The following MACC1 variants were observed in gnomAD, a reference collection of about 807,000 sequenced individuals.
MACC1 encodes the protein metastasis-associated in colon cancer protein 1.
In MACC1, 79 loss-of-function variants were observed where a neutral mutation model predicts 70.7. That is an observed-to-expected ratio of 1.12 (90% CI 0.93 to 1.35). MACC1 has a LOEUF of 1.35. MACC1 is among the 40% of genes most tolerant of loss of function. The probability of loss-of-function intolerance (pLI) is 0.00; values close to 1 mark genes in which losing one functional copy is unlikely to be tolerated. For missense variants in MACC1, 1,106 were observed against 978.1 expected, an observed-to-expected ratio of 1.13 and a Z score of -1.74; for synonymous variants, 361 against 347.2, an observed-to-expected ratio of 1.04 and a Z score of -0.44.
At chr7:20,171,453 A>G (rs1583394879) in intron 1 of MACC1, among the ~76,000 whole-genome samples, 1 of 150,330 alleles carries the variant, frequency 6.7e-6, no homozygotes. Flanking sequence ...ACGGAATTTC[A>G]CCGTGTTAGC....
At chr7:20,195,542 T>G (rs1782737802) in intron 1 of MACC1, among the ~76,000 whole-genome samples, 1 of 152,268 alleles carries the variant, frequency 6.6e-6, no homozygotes, top group Non-Finnish European at 1.5e-5. Context: ...TTCGTATATA[T>G]GACCCATGTT....
chr7:20,208,366 C>A (rs1390053109), intron 1 of MACC1, among the ~76,000 whole-genome samples: 2 of 152,146 alleles, frequency 1.3e-5, no homozygotes, highest in Non-Finnish European at 2.9e-5. Flanking sequence ...TAGAGACTTG[C>A]TGAATGGCTT....
intron 1 of MACC1, among the ~76,000 whole-genome samples, chr7:20,185,434 G>T (rs930335638): frequency 6.6e-6 from 1 of 151,912 alleles, no homozygotes; most frequent in Admixed American, 6.6e-5. Flanking sequence ...CTTGGGATTG[G>T]GTTGGACGCC....
At chr7:20,182,699 T>A (rs942290233) in intron 1 of MACC1, among the ~76,000 whole-genome samples, 2 of 152,118 alleles carry the variant, frequency 1.3e-5, no homozygotes, top group Admixed American at 1.3e-4. Flanking sequence ...GTTTCCCCCA[T>A]AAAACACCCA....
At chr7:20,215,627 C>T (rs1262787094) in intron 1 of MACC1, among the ~76,000 whole-genome samples, 1 of 152,160 alleles carries the variant, frequency 6.6e-6, no homozygotes, top group African/African-American at 2.4e-5. Context: ...TTATCACCTT[C>T]ACTTATCACC....
At chr7:20,171,589 T>G (rs939678939) in intron 1 of MACC1, among the ~76,000 whole-genome samples, 1 of 150,982 alleles carries the variant, frequency 6.6e-6, no homozygotes, top group African/African-American at 2.4e-5. Flanking sequence ...TATATCTGTT[T>G]TTTTTTTTTT....
intron 1 of MACC1, among the ~76,000 whole-genome samples, chr7:20,216,114 C>T (rs957189345): frequency 6.6e-6 from 1 of 152,052 alleles, no homozygotes; most frequent in African/African-American, 2.4e-5. Flanking sequence ...GTTAAGACAA[C>T]TTTAAGAATA....
intron 2 of MACC1, among the ~76,000 whole-genome samples, chr7:20,164,807 A>T (rs1051098538): frequency 1.3e-5 from 2 of 152,230 alleles, no homozygotes; most frequent in Non-Finnish European, 2.9e-5. Context: ...CTAAATTAAA[A>T]TGAGGAACAA....
chr7:20,211,782 C>G (rs1242148239), intron 1 of MACC1, among the ~76,000 whole-genome samples: 1 of 152,180 alleles, frequency 6.6e-6, no homozygotes, highest in Non-Finnish European at 1.5e-5. Flanking sequence ...TAGAGTAATT[C>G]TTTCATTTGG....
intron 1 of MACC1, among the ~76,000 whole-genome samples, chr7:20,204,415 A>G (rs1369545083): frequency 6.6e-6 from 1 of 152,154 alleles, no homozygotes. Flanking sequence ...TGGCCTCCCA[A>G]ACTGCTGGAT....
intron 1 of MACC1, among the ~76,000 whole-genome samples, chr7:20,217,042 G>A (rs542535923): frequency 1.3e-5 from 2 of 152,028 alleles, no homozygotes; most frequent in Admixed American, 6.5e-5. Context: ...ATGTGACCTG[G>A]GTTCCTCCTT....
At chr7:20,209,443 G>A (rs1043123470) in intron 1 of MACC1, among the ~76,000 whole-genome samples, 2 of 152,198 alleles carry the variant, frequency 1.3e-5, no homozygotes, top group Non-Finnish European at 2.9e-5. Flanking sequence ...GAACTTTATG[G>A]GTTAATGACT....
At position 20,165,714 on chromosome 7, in the gene MACC1, T is replaced by A. The variant is rs535599753; in HGVS notation, c.-152-1315A>T. Among the ~76,000 whole-genome samples, 5 of 152,232 alleles carry A rather than the reference T, an allele frequency of 3.3e-5. No homozygotes were observed. In the South Asian group the frequency reaches 1.0e-3, roughly 32 times the overall value. On this transcript the variant is annotated intron_variant, in intron 2 of 6. Transcript: ENST00000400331. ...ACAGGATTTTTTTTTTTACTTTATC[T>A]AGAGAAACATGAGTCAGTCTTTGTT... is the stretch of plus-strand genomic sequence containing the variant.
intron 2 of MACC1, among the ~76,000 whole-genome samples, chr7:20,166,163 T>G (rs1782214722): frequency 6.6e-6 from 1 of 152,206 alleles, no homozygotes; most frequent in Admixed American, 6.5e-5. Flanking sequence ...ACCTGAAACC[T>G]CGATGATTTC....
chr7:20,201,985 C>T (rs1447803984), intron 1 of MACC1, among the ~76,000 whole-genome samples: 1 of 152,142 alleles, frequency 6.6e-6, no homozygotes, highest in Non-Finnish European at 1.5e-5. Context: ...CCCAGTAAAA[C>T]TGTTTTTCCC....
At chr7:20,162,958 G>A (rs964663932) in intron 3 of MACC1, among the ~76,000 whole-genome samples, 3 of 152,006 alleles carry the variant, frequency 2.0e-5, no homozygotes, top group African/African-American at 7.2e-5. Flanking sequence ...ATCCTATATA[G>A]CAAAGGACAT....
At chr7:20,147,226 A>T (rs1027806249) in intron 6 of MACC1, among the ~76,000 whole-genome samples, 1 of 152,232 alleles carries the variant, frequency 6.6e-6, no homozygotes, top group African/African-American at 2.4e-5. Flanking sequence ...AGCCAATAAG[A>T]CTCATTAGAA....
chr7:20,153,661 C>G (rs1348449623), intron 6 of MACC1: 1 of 152,414 alleles, frequency 6.6e-6, no homozygotes, highest in African/African-American at 2.4e-5. Flanking sequence ...CAACTGATGC[C>G]TGTAGTTACT....
At chr7:20,207,076 A>C (rs915354757) in intron 1 of MACC1, among the ~76,000 whole-genome samples, 1 of 152,070 alleles carries the variant, frequency 6.6e-6, no homozygotes, top group Non-Finnish European at 1.5e-5. Context: ...TTTGCCCTTT[A>C]AATTATTTTT....
Sources: allele counts gnomAD v4.1 joint callset (sites outside exome capture counted in the v4.1 genomes callset), GRCh38; gene constraint gnomAD v4.1.1; transcripts MANE v1.5; gene names NCBI Gene and HGNC (gene_info 2026-07-23, HGNC 2026-07-21).